The following ELMO1 variants were observed in gnomAD, a reference collection of about 807,000 sequenced individuals.
ELMO1 encodes the protein engulfment and cell motility 1.
A neutral mutation model predicts 98.9 loss-of-function variants in ELMO1; 26 were observed. That is an observed-to-expected ratio of 0.26 (90% CI 0.19 to 0.36). ELMO1 has a LOEUF of 0.36. Among genes scored for constraint, ELMO1 ranks in the 10% least tolerant of loss-of-function variants. The pLI is 1.00. For synonymous variants in ELMO1, 346 were observed against 346.0 expected (o/e 1.00, Z 0.00); for missense variants, 627 against 935.2 (o/e 0.67, Z 4.30).
Position 37,441,120 on chromosome 7 carries a change from G to A in ELMO1, c.-74+7555C>T, listed in dbSNP as rs145257255. ...GAACCCCACAGCACAAAACTCTGGC[G>A]TTCTAAATGCAATTCTGAACTGAAA... On this transcript the variant is annotated intron_variant, in intron 1 of 21. Transcript: ENST00000310758. Among the ~76,000 whole-genome samples the A allele has an allele frequency of 1.7e-3, 251 of 151,146 alleles. 2 individuals are homozygous for A. The highest frequency in any genetic ancestry group is 4.6e-3 in the African/African-American group (191 of 41,158).
intron 13 of ELMO1, among the ~76,000 whole-genome samples, chr7:37,162,568 C>A (rs954720362): frequency 2.6e-5 from 4 of 152,230 alleles, no homozygotes; most frequent in African/African-American, 9.6e-5. Flanking sequence ...AAATATATAC[C>A]ATAATGACAA....
At chr7:37,128,723 T>C (rs1786697373) in intron 14 of ELMO1, among the ~76,000 whole-genome samples, 1 of 152,180 alleles carries the variant, frequency 6.6e-6, no homozygotes, top group Non-Finnish European at 1.5e-5. Flanking sequence ...GCATTTATCA[T>C]GGTCAAGAGA....
chr7:37,266,882 G>A (rs542828676), intron 5 of ELMO1, among the ~76,000 whole-genome samples: 25 of 151,806 alleles, frequency 1.6e-4, no homozygotes, highest in African/African-American at 4.6e-4. Flanking sequence ...GCATGATGGC[G>A]TACGCCTGTA....
intron 7 of ELMO1, among the ~76,000 whole-genome samples, chr7:37,236,539 T>C (rs925027526): frequency 1.3e-5 from 2 of 152,230 alleles, no homozygotes; most frequent in Non-Finnish European, 2.9e-5. Context: ...ACCTATTTTA[T>C]ATATTACTAG....
At chr7:37,206,822 T>C (rs1792652114) in intron 13 of ELMO1, among the ~76,000 whole-genome samples, 1 of 151,884 alleles carries the variant, frequency 6.6e-6, no homozygotes, top group Non-Finnish European at 1.5e-5. Flanking sequence ...TGAGAAACAA[T>C]TTCTTTTTTT....
chr7:37,065,897 C>G (rs1307518854), intron 15 of ELMO1, among the ~76,000 whole-genome samples: 3 of 152,174 alleles, frequency 2.0e-5, no homozygotes, highest in African/African-American at 7.2e-5. Flanking sequence ...AGATCTCACT[C>G]TGAGCTGTAA....
intron 14 of ELMO1, among the ~76,000 whole-genome samples, chr7:37,129,387 G>A (rs1191891329): frequency 1.3e-5 from 2 of 152,214 alleles, no homozygotes; most frequent in African/African-American, 4.8e-5. Flanking sequence ...TGCTTAAGGA[G>A]TTAGAATATA....
intron 1 of ELMO1, among the ~76,000 whole-genome samples, chr7:37,401,183 C>A (rs1457850609): frequency 3.9e-5 from 6 of 152,120 alleles, no homozygotes; most frequent in Non-Finnish European, 8.8e-5. Flanking sequence ...TGCAGAGATG[C>A]CTACACTCAT....
chr7:37,351,450 C>T (rs1196888143), intron 1 of ELMO1, among the ~76,000 whole-genome samples: 1 of 152,152 alleles, frequency 6.6e-6, no homozygotes, highest in Non-Finnish European at 1.5e-5. Context: ...TGTCTGCAGC[C>T]ATGCTCCCTC....
chr7:37,080,952 A>G lies in ELMO1; in HGVS notation c.1300+15667T>C, dbSNP rs75141176. Among the ~76,000 whole-genome samples the G allele has an allele frequency of 8.9e-3, 1,356 of 152,260 alleles. 6 individuals are homozygous for G. The highest frequency in any genetic ancestry group is 0.014 in the Middle Eastern group (4 of 294). On this transcript the variant is annotated intron_variant, in intron 15 of 21. Coordinates refer to ENST00000310758, the MANE Select transcript of ELMO1 (RefSeq NM_014800.11). ...ATTCATAATTGTGATCAATGTCACC[A>G]TCTCAATGAGGCAATCTCATGAGTC...
chr7:37,345,857 T>C (rs980720927), intron 1 of ELMO1, among the ~76,000 whole-genome samples: 142 of 148,386 alleles, frequency 9.6e-4, no homozygotes, highest in African/African-American at 3.4e-3. Flanking sequence ...GGCGTGGTGG[T>C]GGGTGCCTGT....
intron 13 of ELMO1, among the ~76,000 whole-genome samples, chr7:37,182,350 G>A (rs950318935): frequency 6.6e-6 from 1 of 152,040 alleles, no homozygotes; most frequent in East Asian, 1.9e-4. Context: ...GCACTTAAAT[G>A]TGCTCTTGAG....
At chr7:37,105,547 AC>A (rs1412283991) in intron 14 of ELMO1, among the ~76,000 whole-genome samples, 1 of 152,110 alleles carries the variant, frequency 6.6e-6, no homozygotes, top group African/African-American at 2.4e-5. Context: ...GCTGGACTCC[AC>A]CCCCAGAATT....
intron 1 of ELMO1, among the ~76,000 whole-genome samples, chr7:37,430,997 T>C (rs1804909543): frequency 6.6e-6 from 1 of 152,090 alleles, no homozygotes; most frequent in East Asian, 1.9e-4. Flanking sequence ...CTTTCTAGTG[T>C]GGCATAGTTA....
chr7:37,300,933 C>T (rs536128854), intron 4 of ELMO1, among the ~76,000 whole-genome samples: 65 of 152,168 alleles, frequency 4.3e-4, no homozygotes, highest in Non-Finnish European at 7.2e-4. Flanking sequence ...TTGATTATTG[C>T]CACAATTTCA....
intron 13 of ELMO1, among the ~76,000 whole-genome samples, chr7:37,169,784 T>A (rs1199141476): frequency 6.6e-6 from 1 of 152,198 alleles, no homozygotes; most frequent in Non-Finnish European, 1.5e-5. Flanking sequence ...CAGGAAGAGC[T>A]TTTGCTTTTG....
intron 4 of ELMO1, among the ~76,000 whole-genome samples, chr7:37,276,427 T>C (rs2130878775): frequency 6.6e-6 from 1 of 152,010 alleles, no homozygotes; most frequent in African/African-American, 2.4e-5. Context: ...GCTAACACGG[T>C]GAAACCCCAT....
chr7:37,196,381 C>T (rs1418882435), intron 13 of ELMO1, among the ~76,000 whole-genome samples: 1 of 152,198 alleles, frequency 6.6e-6, no homozygotes, highest in Non-Finnish European at 1.5e-5. Flanking sequence ...CACAATTTTG[C>T]TTTCTACCCC....
At chr7:36,858,293 C>G (rs1367403167) in intron 21 of ELMO1, among the ~76,000 whole-genome samples, 2 of 152,088 alleles carry the variant, frequency 1.3e-5, no homozygotes, top group African/African-American at 4.8e-5. Context: ...TTCCAAGGAT[C>G]CAGACAACGA....
Sources: gnomAD v4.1 joint callset for allele counts (sites outside exome capture counted in the v4.1 genomes callset) on GRCh38, gnomAD v4.1.1 for gene constraint, MANE v1.5 for transcripts, NCBI Gene and HGNC (gene_info 2026-07-23, HGNC 2026-07-21) for gene names.